Variants in PBXIP1 observed in about 807,000 individuals in gnomAD.
PBXIP1 encodes the protein pre-B-cell leukemia transcription factor-interacting protein 1.
In PBXIP1, 73 loss-of-function variants were observed where a neutral mutation model predicts 73.7. The observed-to-expected ratio is 0.99, with a 90% CI of 0.82 to 1.20. The LOEUF (loss-of-function observed/expected upper bound fraction) is 1.20, where lower values mean the gene tolerates loss of function less well. Ranked by LOEUF, PBXIP1 falls within the 50% of genes most tolerant of loss-of-function variation. The pLI, the probability that PBXIP1 is intolerant of heterozygous loss-of-function variation, is 0.00. For synonymous variants in PBXIP1, 330 were observed against 366.9 expected (o/e 0.90, Z 1.15); for missense variants, 818 against 911.4 (o/e 0.90, Z 1.32).
In PBXIP1 at chr1:154,946,774, C is replaced by T. The variant is rs1373025222; in HGVS notation, c.900G>A (p.Met300Ile). ...QAQKEELQSL[M>I]HQPKGLEEEN... ...CCTCCTCTAGCCCTTTGGGCTGGTG[C>T]ATCAGGCTCTGAAGCTCTTCCTTTT... The change falls in exon 10 of 11, where the codon ATG becomes ATA. Residue 300 changes from methionine (M) to isoleucine (I), a missense_variant. Transcript: ENST00000368463. 6.4e-6 allele frequency: 10 copies of T among 1,552,574 alleles called. No individual in the cohort carries two copies. Among genetic ancestry groups the T allele is most frequent in the Middle Eastern group, 1.8e-4 (1 of 5,414 alleles).
At chr1:154,949,457 C>G (rs1490302043) in intron 5 of PBXIP1, among the ~76,000 whole-genome samples, 1 of 151,998 alleles carries the variant, frequency 6.6e-6, no homozygotes, top group African/African-American at 2.4e-5. Context: ...TGGTTTTCAT[C>G]CTCCACCCCA....
intron 8 of PBXIP1, 45 bp from the exon 9 acceptor site, chr1:154,947,593 G>A: frequency 2.5e-6 from 4 of 1,608,412 alleles, no homozygotes; most frequent in Non-Finnish European, 3.4e-6. Context: ...CCACAGCCCA[G>A]GTTCTCCCCA....
intron 7 of PBXIP1, 111 bp from the exon 8 acceptor site, chr1:154,947,823 G>A (rs1654881084): frequency 2.1e-6 from 3 of 1,398,970 alleles, no homozygotes; most frequent in Non-Finnish European, 2.0e-6. Context: ...CCCTGTGGCT[G>A]AGCGGTTTGG....
At position 154,946,729 on chromosome 1, in the gene PBXIP1, C is replaced by T. The variant is rs529319877; in HGVS notation, c.945G>A (p.Gly315=). ...GGAAGGCTTCGCCCTGCTGCAGAGC[C>T]CCCCGGAGCTGGGCATTCTCCTCCT... ...GLEEENAQLR[G]ALQQGEAFQR... is the part of the protein sequence containing the mutation. The change falls in exon 10 of 11, where the codon GGG becomes GGA. Residue 315 remains glycine, a synonymous_variant. Coordinates refer to ENST00000368463, the MANE Select transcript of PBXIP1 (RefSeq NM_020524.4). 9 of 1,605,376 alleles carry T rather than the reference C, an allele frequency of 5.6e-6. No individual in the cohort carries two copies. In the East Asian group the frequency reaches 6.7e-5, roughly 12 times the overall value.
intron 1 of PBXIP1, among the ~76,000 whole-genome samples, chr1:154,955,576 C>G (rs924940300): frequency 1.6e-4 from 24 of 152,212 alleles, no homozygotes; most frequent in African/African-American, 5.5e-4. Flanking sequence ...GCCAGCATCT[C>G]ACTGCCTTAT....
chr1:154,948,041 C>G, intron 6 of PBXIP1, 36 bp from the exon 7 acceptor site: 1 of 1,606,552 alleles, frequency 6.2e-7, no homozygotes. Flanking sequence ...ATGAGGCCCT[C>G]GGGGAGGGGT....
intron 7 of PBXIP1, 84 bp downstream of exon 7, chr1:154,947,898 A>C: frequency 6.8e-7 from 1 of 1,465,272 alleles, no homozygotes; most frequent in Non-Finnish European, 9.6e-7. Flanking sequence ...AATAAATGTG[A>C]GCCCCCAGCA....
intron 9 of PBXIP1, chr1:154,947,122 C>G (rs572056247): frequency 3.3e-6 from 2 of 597,082 alleles, no homozygotes; most frequent in African/African-American, 3.7e-5. Flanking sequence ...ATCATGGCAC[C>G]TGGCATGTTC....
At chr1:154,947,328 T>C (rs543236299) in intron 9 of PBXIP1, 89 bp downstream of exon 9, 1 of 1,476,020 alleles carries the variant, frequency 6.8e-7, no homozygotes, top group East Asian at 2.3e-5. Flanking sequence ...TGTGGGTAAA[T>C]AGGAAACATT....
intron 2 of PBXIP1, among the ~76,000 whole-genome samples, chr1:154,952,518 T>A (rs996128574): frequency 3.9e-5 from 6 of 152,112 alleles, no homozygotes; most frequent in Non-Finnish European, 8.8e-5. Context: ...CCACACAGCC[T>A]CGGCCTCCTC....
rs148829554 is a variant in PBXIP1, at chr1:154,946,322, C to T, written c.1352G>A (p.Gly451Glu). The T allele has an allele frequency of 4.8e-5, 78 of 1,614,046 alleles. No homozygotes were observed. The highest frequency in any genetic ancestry group is 6.6e-5 in the Non-Finnish European group (78 of 1,180,036). Residue 451 changes from glycine (G) to glutamate (E), a missense_variant, in exon 10 of 11, where the codon GGG (glycine) becomes GAG (glutamate). By Grantham distance (98) the Gly-to-Glu change is moderately conservative. Transcript: ENST00000368463. ...GGCCTTTGAGGCATTGGCAGAGACC[C>T]CAGGGTCCTGGCCCCAGTTCTCCAG... ...QGLENWGQDP[G>E]VSANASKAWH...
At chr1:154,954,986 T>G in intron 1 of PBXIP1, 1 of 984,380 alleles carries the variant, frequency 1.0e-6, no homozygotes, top group Non-Finnish European at 1.2e-6. Context: ...CCCCTTCTGT[T>G]TGAGCTGTTT....
intron 1 of PBXIP1, among the ~76,000 whole-genome samples, chr1:154,955,774 A>G (rs1655158814): frequency 6.6e-6 from 1 of 152,198 alleles, no homozygotes; most frequent in African/African-American, 2.4e-5. Context: ...TATTTCTAAA[A>G]AACAGCTAAA....
intron 9 of PBXIP1, 50 bp downstream of exon 9, chr1:154,947,367 G>A (rs371215760): frequency 2.8e-5 from 45 of 1,607,640 alleles, no homozygotes; most frequent in African/African-American, 2.5e-4. Flanking sequence ...TAGGACAGAC[G>A]CCTGGCCTAG....
chr1:154,949,179 T>C (rs1167100138), intron 5 of PBXIP1, among the ~76,000 whole-genome samples: 3 of 152,032 alleles, frequency 2.0e-5, no homozygotes, highest in African/African-American at 7.2e-5. Context: ...TTATTTTTAT[T>C]TTTTGAGACA....
In PBXIP1 at chr1:154,953,704, G is replaced by T. The variant is rs1449459824; in HGVS notation, c.18C>A (p.Asp6Glu). 1.2e-6 allele frequency: 2 copies of T among 1,613,494 alleles called. No homozygotes were observed. The highest frequency in any genetic ancestry group is 8.5e-7 in the Non-Finnish European group (1 of 1,179,582). The change falls in exon 2 of 11, where the codon GAC (aspartate) becomes GAA (glutamate). Residue 6 changes from aspartate to glutamate, a missense_variant. Asp to Glu is a conservative substitution (Grantham distance 45, BLOSUM62 2). Transcript: ENST00000368463. Reference sequence around the variant, plus strand: ...CAGCAAGCACCCAGCTATTATCAGAGTCTGGGCAGGAGGCCATAGTTGCTG... The same window carrying T: ...CAGCAAGCACCCAGCTATTATCAGATTCTGGGCAGGAGGCCATAGTTGCTG... MASCP[D>E]SDNSWVLAGS...
At chr1:154,950,927 G>T (rs990010610) in intron 5 of PBXIP1, among the ~76,000 whole-genome samples, 1 of 152,270 alleles carries the variant, frequency 6.6e-6, no homozygotes, top group African/African-American at 2.4e-5. Context: ...CAGGCCCAGG[G>T]CCAGCACAAG....
At chr1:154,950,221 T>G (rs1654963350) in intron 5 of PBXIP1, 1 of 152,672 alleles carries the variant, frequency 6.5e-6, no homozygotes, top group African/African-American at 2.4e-5. Flanking sequence ...GAGACGGGGT[T>G]TCACCATGTT....
intron 10 of PBXIP1, 123 bp downstream of exon 10, chr1:154,945,449 G>T: frequency 1.9e-6 from 2 of 1,026,128 alleles, no homozygotes; most frequent in Non-Finnish European, 1.4e-6. Context: ...GGACCTGAAT[G>T]CCTTCTCTAA....
Sources: allele counts gnomAD v4.1 joint callset (sites outside exome capture counted in the v4.1 genomes callset), GRCh38; gene constraint gnomAD v4.1.1; transcripts MANE v1.5; gene names NCBI Gene and HGNC (gene_info 2026-07-23, HGNC 2026-07-21).